PALM2AKAP2: variants seen among roughly 807,000 people sequenced by gnomAD.
PALM2AKAP2 encodes PALM2-AKAP2 fusion protein.
A neutral mutation model predicts 71.5 loss-of-function variants in PALM2AKAP2; 37 were observed. The observed-to-expected ratio is 0.52, with a 90% CI of 0.40 to 0.68. The LOEUF is 0.68. PALM2AKAP2 is among the 30% of genes least tolerant of loss of function. The probability of loss-of-function intolerance (pLI) is 0.00; values close to 1 mark genes in which losing one functional copy is unlikely to be tolerated. For synonymous variants in PALM2AKAP2, 468 were observed against 478.8 expected (o/e 0.98, Z 0.29); for missense variants, 1,224 against 1,191.8 (o/e 1.03, Z -0.40).
chr9:110,114,815 G>A (rs1319565452), intron 1 of PALM2AKAP2, among the ~76,000 whole-genome samples: 2 of 152,170 alleles, frequency 1.3e-5, no homozygotes, highest in East Asian at 3.8e-4. Context: ...ACTTCATCCT[G>A]TTTCCATAAT....
At chr9:109,782,400 G>A (rs538392468) in intron 1 of PALM2AKAP2, among the ~76,000 whole-genome samples, 12 of 152,218 alleles carry the variant, frequency 7.9e-5, no homozygotes, top group East Asian at 1.9e-4. Flanking sequence ...CCATATCCAC[G>A]CCTTCAGTCA....
intron 7 of PALM2AKAP2, among the ~76,000 whole-genome samples, chr9:110,039,567 C>T (rs550968140): frequency 1.2e-3 from 185 of 152,166 alleles, no homozygotes; most frequent in African/African-American, 4.0e-3. Flanking sequence ...TTTGCTATAC[C>T]GTAAAATGAG....
At chr9:109,897,808 G>A (rs1209196829) in intron 3 of PALM2AKAP2, among the ~76,000 whole-genome samples, 3 of 152,114 alleles carry the variant, frequency 2.0e-5, no homozygotes, top group East Asian at 1.9e-4. Context: ...TTGAGACAGG[G>A]CAGGATTCCT....
intron 1 of PALM2AKAP2, among the ~76,000 whole-genome samples, chr9:110,109,318 CAAAA>C (rs542467637): frequency 2.5e-5 from 2 of 79,644 alleles, no homozygotes; most frequent in Non-Finnish European, 4.7e-5. Context: ...TCTTTGTCTC[CAAAA>C]AAAAAAAAAA....
chr9:109,932,189 C>T (rs763005774), intron 6 of PALM2AKAP2, among the ~76,000 whole-genome samples, 161 bp downstream of exon 6: 7 of 152,224 alleles, frequency 4.6e-5, no homozygotes, highest in Non-Finnish European at 8.8e-5. Context: ...AGGCAGGCAC[C>T]GGCCCCAGAT....
intron 1 of PALM2AKAP2, among the ~76,000 whole-genome samples, chr9:109,739,428 TTAC>T (rs1240628052): frequency 6.6e-5 from 10 of 152,214 alleles, no homozygotes; most frequent in Non-Finnish European, 1.3e-4. Context: ...ACTGAAGGCT[TTAC>T]TCATCCAAAG....
chr9:110,164,270 C>T (rs896925266), intron 3 of PALM2AKAP2, among the ~76,000 whole-genome samples: 2 of 152,090 alleles, frequency 1.3e-5, no homozygotes, highest in African/African-American at 2.4e-5. Flanking sequence ...AATTTAAAAG[C>T]AGGTTGGAAG....
At chr9:109,924,763 T>C (rs1265256099) in intron 4 of PALM2AKAP2, among the ~76,000 whole-genome samples, 2 of 152,190 alleles carry the variant, frequency 1.3e-5, no homozygotes, top group Non-Finnish European at 2.9e-5. Context: ...AGAAAAGCAA[T>C]CTAATGAAAT....
chr9:109,876,884 A>T (rs1238712973), intron 2 of PALM2AKAP2, among the ~76,000 whole-genome samples: 1 of 131,392 alleles, frequency 7.6e-6, no homozygotes, highest in Non-Finnish European at 1.6e-5. Flanking sequence ...AAGTAGAGGG[A>T]CATGCACCTC....
chr9:110,019,892 C>T (rs542790438), intron 7 of PALM2AKAP2, among the ~76,000 whole-genome samples: 6 of 152,178 alleles, frequency 3.9e-5, no homozygotes, highest in Admixed American at 6.6e-5. Context: ...CCCAGCATTA[C>T]GTAATATACC....
intron 5 of PALM2AKAP2, among the ~76,000 whole-genome samples, chr9:109,931,275 A>G (rs1006215054): frequency 5.3e-5 from 8 of 152,202 alleles, no homozygotes; most frequent in East Asian, 1.9e-4. Flanking sequence ...CTTCTTTTAC[A>G]TAGCAACATT....
At chr9:109,726,153 C>A (rs541960733) in intron 1 of PALM2AKAP2, among the ~76,000 whole-genome samples, 22 of 152,306 alleles carry the variant, frequency 1.4e-4, no homozygotes, top group African/African-American at 5.1e-4. Context: ...CTATAGAAGC[C>A]AGACTCTTTT....
chr9:110,057,255 T>A (rs1191139834), intron 1 of PALM2AKAP2, among the ~76,000 whole-genome samples: 2 of 152,056 alleles, frequency 1.3e-5, no homozygotes, highest in African/African-American at 4.8e-5. Context: ...ATCTTTATAG[T>A]CACCAGCATT....
intron 3 of PALM2AKAP2, among the ~76,000 whole-genome samples, chr9:109,894,024 TAA>T (rs552808725): frequency 0.028 from 3,656 of 132,792 alleles, 90 homozygotes; most frequent in East Asian, 0.08. Flanking sequence ...GTTGCTTATT[TAA>T]AAAAAAAAAA....
At chr9:110,141,768 T>G (rs767291708) in intron 2 of PALM2AKAP2, among the ~76,000 whole-genome samples, 5 of 152,202 alleles carry the variant, frequency 3.3e-5, no homozygotes, top group African/African-American at 9.7e-5. Context: ...AAAATATAAT[T>G]TTTAACTTCT....
chr9:109,901,921 G>A (rs185980140), intron 3 of PALM2AKAP2, among the ~76,000 whole-genome samples: 62 of 152,304 alleles, frequency 4.1e-4, no homozygotes, highest in African/African-American at 1.1e-3. Context: ...AGCAGCGCAC[G>A]GCTCTGGAGA....
At chr9:109,676,170 A>G (rs1827645816) in intron 1 of PALM2AKAP2, among the ~76,000 whole-genome samples, 1 of 152,214 alleles carries the variant, frequency 6.6e-6, no homozygotes, top group Non-Finnish European at 1.5e-5. Context: ...GTAGAGCAAG[A>G]GTTCCTCACT....
chr9:110,156,677 C>CA (rs955697485), intron 3 of PALM2AKAP2, among the ~76,000 whole-genome samples, 180 bp downstream of exon 9: 40 of 150,976 alleles, frequency 2.6e-4, no homozygotes, highest in African/African-American at 8.8e-4. Context: ...TTGCCTGTTT[C>CA]AAAAAAAAAT....
intron 1 of PALM2AKAP2, among the ~76,000 whole-genome samples, chr9:109,687,437 C>G (rs1827821322): frequency 6.6e-6 from 1 of 152,220 alleles, no homozygotes; most frequent in Admixed American, 6.5e-5. Context: ...TCTACAAGAG[C>G]ACTTGCTACT....
Sources: gnomAD v4.1 joint callset for allele counts (sites outside exome capture counted in the v4.1 genomes callset) on GRCh38, gnomAD v4.1.1 for gene constraint, MANE v1.5 for transcripts, NCBI Gene and HGNC (gene_info 2026-07-23, HGNC 2026-07-21) for gene names.